ACTR3: variants seen among roughly 807,000 people sequenced by gnomAD.
ACTR3 encodes actin-related protein 3.
A neutral mutation model predicts 56.8 loss-of-function variants in ACTR3; 12 were observed. The ratio of observed to expected loss-of-function variants is 0.21; its 90% CI spans 0.14 to 0.34. The LOEUF (loss-of-function observed/expected upper bound fraction) is 0.34. Among genes scored for constraint, ACTR3 ranks in the 10% least tolerant of loss-of-function variants. ACTR3 has a pLI of 1.00. For missense variants in ACTR3, 282 were observed against 512.5 expected (o/e 0.55, Z 4.34); for synonymous variants, 162 against 167.4 (o/e 0.97, Z 0.25).
At chr2:113,892,525 G>A (rs889180231) in intron 1 of ACTR3, among the ~76,000 whole-genome samples, 1 of 152,068 alleles carries the variant, frequency 6.6e-6, no homozygotes, top group African/African-American at 2.4e-5. Context: ...GTTTCCAGTG[G>A]TGCCTCCTGG....
chr2:113,894,397 A>T (rs1240105333), intron 1 of ACTR3, among the ~76,000 whole-genome samples: 1 of 152,194 alleles, frequency 6.6e-6, no homozygotes, highest in African/African-American at 2.4e-5. Context: ...CGGCTTAATA[A>T]TGCTATTTCT....
chr2:113,891,641 T>C (rs1410100926), intron 1 of ACTR3, among the ~76,000 whole-genome samples: 1 of 151,608 alleles, frequency 6.6e-6, no homozygotes, highest in East Asian at 1.9e-4. Flanking sequence ...TAATTATAAT[T>C]ATTGATTTCA....
At chr2:113,892,972 A>C (rs1678934180) in intron 1 of ACTR3, among the ~76,000 whole-genome samples, 1 of 152,230 alleles carries the variant, frequency 6.6e-6, no homozygotes, top group Non-Finnish European at 1.5e-5. Flanking sequence ...AGGTCATAAA[A>C]GAGAATACTT....
chr2:113,916,017 C>T (rs1239525007), intron 2 of ACTR3, among the ~76,000 whole-genome samples: 2 of 152,006 alleles, frequency 1.3e-5, no homozygotes, highest in African/African-American at 4.8e-5. Context: ...TTATAGTGAG[C>T]CACCTGGATG....
chr2:113,922,218 C>G (rs1679524399), intron 3 of ACTR3, among the ~76,000 whole-genome samples: 1 of 151,924 alleles, frequency 6.6e-6, no homozygotes, highest in African/African-American at 2.4e-5. Context: ...AGACACATTT[C>G]AACGTTAAGA....
chr2:113,955,819 C>A (rs1387071618), intron 11 of ACTR3, 113 bp downstream of exon 11: 1 of 733,628 alleles, frequency 1.4e-6, no homozygotes, highest in Non-Finnish European at 2.1e-6. Context: ...ATGATCTTGG[C>A]TCACTGCAAC....
At chr2:113,925,194 CTT>C (rs771794090) in intron 3 of ACTR3, among the ~76,000 whole-genome samples, 22 of 105,140 alleles carry the variant, frequency 2.1e-4, no homozygotes, top group Admixed American at 7.1e-4. Context: ...ATCGTGCCAC[CTT>C]TTTTTTTTTT....
At chr2:113,920,739 C>T (rs1170459691) in intron 3 of ACTR3, among the ~76,000 whole-genome samples, 1 of 152,118 alleles carries the variant, frequency 6.6e-6, no homozygotes, top group African/African-American at 2.4e-5. Context: ...TGAGAACATG[C>T]AATTTTTTAT....
chr2:113,951,802 C>T lies in ACTR3; in HGVS notation c.1034C>T (p.Ala345Val). The T allele has an allele frequency of 6.2e-7, 1 of 1,613,444 alleles. No homozygotes were observed. The highest frequency in any genetic ancestry group is 8.5e-7 in the Non-Finnish European group (1 of 1,179,510). The change falls in exon 10 of 12, where the codon GCC becomes GTC. Residue 345 changes from alanine to valine, a missense_variant. By Grantham distance (64) the Ala-to-Val change is moderately conservative. Coordinates refer to ENST00000263238, the MANE Select transcript of ACTR3 (RefSeq NM_005721.5). ...LQRDLKRTVDARLKLSEELSG... is the reference protein window; with the variant it reads ...LQRDLKRTVDVRLKLSEELSG... ...AGAGATTTGAAAAGAACTGTAGATG[C>T]CCGGCTGAAATTAAGTGAGGAATTG...
chr2:113,894,829 T>C (rs930352323), intron 1 of ACTR3, among the ~76,000 whole-genome samples: 1 of 152,176 alleles, frequency 6.6e-6, no homozygotes, highest in Non-Finnish European at 1.5e-5. Flanking sequence ...TGGCAGGTGG[T>C]TCGATCTGCT....
chr2:113,922,617 A>G (rs1026079943), intron 3 of ACTR3, among the ~76,000 whole-genome samples: 1 of 116,260 alleles, frequency 8.6e-6, no homozygotes, highest in Admixed American at 8.5e-5. Flanking sequence ...TCCATTTGAG[A>G]ATAATGACTA....
chr2:113,942,419 A>C, intron 8 of ACTR3, 60 bp downstream of exon 8: 1 of 1,164,856 alleles, frequency 8.6e-7, no homozygotes, highest in East Asian at 2.8e-5. Context: ...ATTAATAGAT[A>C]TTCAGAGAGA....
chr2:113,939,967 G>T lies in ACTR3; in HGVS notation c.549G>T (p.Gly183=). ...TTTTTTCCCCTCTCTAGGCTGAAGG[G>T]TATGTGATTGGCAGCTGTATTAAAC... ...GVTHVIPVAE[G]YVIGSCIKHI... is the part of the protein sequence containing the mutation. Residue 183 remains glycine (G), a synonymous_variant, in exon 7 of 12, where the codon GGG becomes GGT. Coordinates refer to ENST00000263238, the MANE Select transcript of ACTR3 (RefSeq NM_005721.5). The T allele has an allele frequency of 6.2e-7, 1 of 1,604,316 alleles. No individual in the cohort carries two copies. The highest frequency in any genetic ancestry group is 1.1e-5 in the South Asian group (1 of 89,878).
intron 2 of ACTR3, 125 bp downstream of exon 2, chr2:113,913,352 C>T: frequency 6.0e-6 from 4 of 666,250 alleles, no homozygotes; most frequent in Non-Finnish European, 9.4e-6. Context: ...ACATGATTTG[C>T]CAGGTTCTAA....
intron 6 of ACTR3, among the ~76,000 whole-genome samples, chr2:113,937,717 G>A (rs1022215948): frequency 5.3e-5 from 8 of 152,180 alleles, no homozygotes; most frequent in African/African-American, 1.7e-4. Flanking sequence ...ATTCTTGTGT[G>A]TGTTTCTTTG....
Position 113,951,748 on chromosome 2 carries a change from T to C in ACTR3, c.980T>C (p.Met327Thr), listed in dbSNP as rs202240485. The change falls in exon 10 of 12, where the codon ATG becomes ACG. Residue 327 changes from methionine to threonine, a missense_variant. Physicochemically the swap from Met to Thr is moderately conservative, Grantham distance 81. Transcript: ENST00000263238. ...KNIVLSGGST[M>T]FRDFGRRLQR... ...ATTGTCCTCTCTGGAGGTTCAACCA[T>C]GTTCAGGGACTTTGGACGTCGCTTG... 6.2e-7 allele frequency: 1 copy of C among 1,613,084 alleles called. No individual in the cohort carries two copies. Among genetic ancestry groups the C allele is most frequent in the Non-Finnish European group, 8.5e-7 (1 of 1,179,250 alleles).
chr2:113,922,137 A>G (rs1054447334), intron 3 of ACTR3, among the ~76,000 whole-genome samples: 9 of 152,222 alleles, frequency 5.9e-5, no homozygotes, highest in Non-Finnish European at 1.0e-4. Flanking sequence ...GTGATAGGCC[A>G]GGAAAAAAGT....
chr2:113,954,624 G>T (rs1680177275), intron 10 of ACTR3: 1 of 147,744 alleles, frequency 6.8e-6, no homozygotes. Flanking sequence ...TTATTCAAAT[G>T]GCTCTTAGGT....
intron 10 of ACTR3, 120 bp from the exon 11 acceptor site, chr2:113,955,503 T>C (rs1680192979): frequency 1.4e-6 from 1 of 710,138 alleles, no homozygotes. Flanking sequence ...TTCTGGTTTG[T>C]AAGATACCAC....
Sources: allele counts gnomAD v4.1 joint callset (sites outside exome capture counted in the v4.1 genomes callset), GRCh38; gene constraint gnomAD v4.1.1; transcripts MANE v1.5; gene names NCBI Gene and HGNC (gene_info 2026-07-23, HGNC 2026-07-21).